ARHGAP28: variants seen among roughly 807,000 people sequenced by gnomAD.
The protein encoded by ARHGAP28 is Rho GTPase activating protein 28.
ARHGAP28 carries 56 observed loss-of-function variants against 90.7 expected under a neutral mutation model. The observed-to-expected ratio is 0.62, with a 90% CI of 0.50 to 0.77. ARHGAP28 has a LOEUF of 0.77. Among genes scored for constraint, ARHGAP28 ranks in the 30% least tolerant of loss-of-function variants. ARHGAP28 has a pLI of 0.00. For missense variants in ARHGAP28, 869 were observed against 900.9 expected, an observed-to-expected ratio of 0.96 and a Z score of 0.45; for synonymous variants, 308 against 323.3, an observed-to-expected ratio of 0.95 and a Z score of 0.51.
Position 6,876,195 on chromosome 18 carries a change from C to T in ARHGAP28, c.1277C>T (p.Thr426Ile). Reference sequence around the variant, plus strand: ...GGAATTTTTCGACTTTCAGGATGTACTGCTAAAGTCAAGGTACCGAACATT... The same window carrying T: ...GGAATTTTTCGACTTTCAGGATGTATTGCTAAAGTCAAGGTACCGAACATT... ...SEGIFRLSGC[T>I]AKVKQYREEL... is the part of the protein sequence containing the mutation. Residue 426 changes from threonine (T) to isoleucine (I), a missense_variant, in exon 10 of 18, where the codon ACT becomes ATT. Transcript: ENST00000383472. 6.2e-7 allele frequency: 1 copy of T among 1,613,788 alleles called. No individual in the cohort carries two copies. The highest frequency in any genetic ancestry group is 8.5e-7 in the Non-Finnish European group (1 of 1,179,756).
rs146677279 is a variant in ARHGAP28, at chr18:6,885,414, C to T, written c.1454-1743C>T. 5.3e-5 allele frequency among the ~76,000 whole-genome samples: 8 copies of T among 152,276 alleles called. 2 individuals carry two copies. Among genetic ancestry groups the T allele is most frequent in the Admixed American group, 4.6e-4 (7 of 15,300 alleles). ...TTTAAGCTGTCCCTCTCAATACCCT[C>T]AAATGGAGCTCAGAGAACACAGAGC... On this transcript the variant is annotated intron_variant, in intron 11 of 17. Coordinates refer to ENST00000383472, the MANE Select transcript of ARHGAP28 (RefSeq NM_001366230.1).
intron 1 of ARHGAP28, among the ~76,000 whole-genome samples, chr18:6,798,213 GAC>G (rs1301672221): frequency 2.6e-5 from 4 of 152,120 alleles, no homozygotes; most frequent in Non-Finnish European, 1.5e-5. Flanking sequence ...TGTGTTTTGA[GAC>G]GGAGTTTCTC....
chr18:6,771,084 T>G (rs1341794424), intron 1 of ARHGAP28, among the ~76,000 whole-genome samples: 2 of 152,144 alleles, frequency 1.3e-5, no homozygotes, highest in African/African-American at 4.8e-5. Flanking sequence ...TCACCCAGCC[T>G]GGAGTGCAGT....
At chr18:6,829,531 G>T (rs939072185) in intron 2 of ARHGAP28, among the ~76,000 whole-genome samples, 1 of 152,086 alleles carries the variant, frequency 6.6e-6, no homozygotes, top group Non-Finnish European at 1.5e-5. Flanking sequence ...TGAAGCATTT[G>T]CACAGATCTT....
intron 1 of ARHGAP28, among the ~76,000 whole-genome samples, chr18:6,781,837 T>A (rs2056326978): frequency 6.6e-6 from 1 of 152,240 alleles, no homozygotes; most frequent in Non-Finnish European, 1.5e-5. Flanking sequence ...GATATCTCTT[T>A]TCAAAACTAT....
chr18:6,818,165 G>A (rs2143730566), intron 1 of ARHGAP28, among the ~76,000 whole-genome samples: 1 of 152,312 alleles, frequency 6.6e-6, no homozygotes, highest in Admixed American at 6.5e-5. Context: ...AGGAAATGGA[G>A]TCACAGAGGT....
intron 1 of ARHGAP28, among the ~76,000 whole-genome samples, chr18:6,735,468 C>T (rs12150787): frequency 0.27 from 41,263 of 151,798 alleles, 6,449 homozygotes; most frequent in South Asian, 0.33. Context: ...TTTCATGACA[C>T]TTTTTGAGAA....
intron 17 of ARHGAP28, among the ~76,000 whole-genome samples, chr18:6,909,304 T>TCTTTTCTTTTC (rs1600313673): frequency 4.9e-4 from 69 of 140,218 alleles, no homozygotes; most frequent in Middle Eastern, 3.9e-3. Context: ...TCTTTTCTTT[T>TCTTTTCTTTTC]TTTTTTGAGA....
chr18:6,894,808 T>G, intron 14 of ARHGAP28, 27 bp from the exon 15 acceptor site: 3 of 1,608,420 alleles, frequency 1.9e-6, no homozygotes, highest in Non-Finnish European at 2.6e-6. Context: ...TTCTCAACAT[T>G]ACTCCTAAAG....
intron 1 of ARHGAP28, among the ~76,000 whole-genome samples, chr18:6,793,260 C>T (rs2056418884): frequency 6.6e-6 from 1 of 152,146 alleles, no homozygotes; most frequent in African/African-American, 2.4e-5. Context: ...TACAGAAGGC[C>T]TTGGTATGTA....
intron 16 of ARHGAP28, among the ~76,000 whole-genome samples, chr18:6,901,858 T>C (rs1210071869): frequency 1.3e-5 from 2 of 152,188 alleles, no homozygotes; most frequent in East Asian, 3.9e-4. Flanking sequence ...GAAATAAAGA[T>C]GTCAGCAGGG....
chr18:6,854,112 T>G (rs1474344587), intron 4 of ARHGAP28, among the ~76,000 whole-genome samples: 3 of 152,086 alleles, frequency 2.0e-5, no homozygotes, highest in African/African-American at 7.2e-5. Context: ...GGGGTTATAT[T>G]AGGAACATAT....
chr18:6,754,077 G>A (rs1567935985), intron 1 of ARHGAP28, among the ~76,000 whole-genome samples: 1 of 152,202 alleles, frequency 6.6e-6, no homozygotes, highest in Non-Finnish European at 1.5e-5. Context: ...AAATAACAAG[G>A]TAGCAGGTAG....
At chr18:6,817,879 C>A (rs1482619853) in intron 1 of ARHGAP28, among the ~76,000 whole-genome samples, 3 of 152,166 alleles carry the variant, frequency 2.0e-5, no homozygotes, top group Non-Finnish European at 2.9e-5. Flanking sequence ...GGAGTTGGGA[C>A]AACAGGGTTG....
intron 14 of ARHGAP28, 133 bp from the exon 15 acceptor site, chr18:6,894,702 A>C (rs1229189093): frequency 3.0e-6 from 2 of 675,458 alleles, no homozygotes; most frequent in Non-Finnish European, 5.1e-6. Flanking sequence ...TGTTGGATTA[A>C]AGTGCATATA....
intron 3 of ARHGAP28, 24 bp downstream of exon 3, chr18:6,837,438 T>A: frequency 1.2e-6 from 1 of 862,744 alleles, no homozygotes; most frequent in Non-Finnish European, 1.8e-6. Context: ...CAAACATGGC[T>A]CAAAAGGCGC....
intron 5 of ARHGAP28, 46 bp from the exon 6 acceptor site, chr18:6,868,104 G>C (rs1019022398): frequency 6.8e-7 from 1 of 1,478,698 alleles, no homozygotes; most frequent in African/African-American, 1.4e-5. Context: ...GAGGTGGACT[G>C]TATTTATGGT....
Position 6,828,392 on chromosome 18 carries a change from G to A in ARHGAP28, c.325+3428G>A, listed in dbSNP as rs1328038001. Among the ~76,000 whole-genome samples the A allele has an allele frequency of 2.7e-5, 4 of 148,088 alleles. No individual in the cohort carries two copies. The East Asian group carries it at 8.3e-4, about 31-fold the overall frequency. On this transcript the variant is annotated intron_variant, in intron 2 of 17. Coordinates refer to ENST00000383472, the MANE Select transcript of ARHGAP28 (RefSeq NM_001366230.1). Reference sequence around the variant, plus strand: ...GGAGAGGGAGAGACAGAGGAGGAGAGAGGAGAGAGGAGAGAGGAGAGAGCT... The same window carrying A: ...GGAGAGGGAGAGACAGAGGAGGAGAAAGGAGAGAGGAGAGAGGAGAGAGCT...
At chr18:6,802,665 GT>G (rs2056490838) in intron 1 of ARHGAP28, among the ~76,000 whole-genome samples, 1 of 151,862 alleles carries the variant, frequency 6.6e-6, no homozygotes, top group African/African-American at 2.4e-5. Context: ...TTGTGTTTGT[GT>G]TTTGAGGAAC....
Sources: gnomAD v4.1 joint callset for allele counts (sites outside exome capture counted in the v4.1 genomes callset) on GRCh38, gnomAD v4.1.1 for gene constraint, MANE v1.5 for transcripts, NCBI Gene and HGNC (gene_info 2026-07-23, HGNC 2026-07-21) for gene names.